ERCC6: variants seen among roughly 807,000 people sequenced by gnomAD.
ERCC6 encodes DNA excision repair protein ERCC-6.
In ERCC6, 116 loss-of-function variants were observed where a neutral mutation model predicts 158.7. The ratio of observed to expected loss-of-function variants is 0.73; its 90% CI spans 0.63 to 0.85. ERCC6 has a LOEUF of 0.85. ERCC6 is among the 40% of genes least tolerant of loss of function. The probability of loss-of-function intolerance (pLI) is 0.00; values close to 1 mark genes in which losing one functional copy is unlikely to be tolerated. For synonymous variants in ERCC6, 678 were observed against 659.3 expected, an observed-to-expected ratio of 1.03 and a Z score of -0.43; for missense variants, 1,698 against 1,799.4, an observed-to-expected ratio of 0.94 and a Z score of 1.02.
intron 18 of ERCC6, 89 bp from the exon 19 acceptor site, chr10:49,461,645 G>A: frequency 7.6e-7 from 1 of 1,316,276 alleles, no homozygotes; most frequent in South Asian, 1.3e-5. Context: ...TACTGTAGTA[G>A]ACAAAAACAA....
In ERCC6 at chr10:49,479,188, C is replaced by T. The variant is rs115249401; in HGVS notation, c.2170-718G>A. Among the ~76,000 whole-genome samples, 974 of 151,236 alleles carry T rather than the reference C, an allele frequency of 6.4e-3. 13 individuals are homozygous for T. The highest frequency in any genetic ancestry group is 0.021 in the African/African-American group (882 of 41,264). Reference sequence around the variant, plus strand: ...AGGCAAAGTAGTCAATAAATTATTGCTACTTCAAAAAAAATCTAAATAGGC... The same window carrying T: ...AGGCAAAGTAGTCAATAAATTATTGTTACTTCAAAAAAAATCTAAATAGGC... On this transcript the variant is annotated intron_variant, in intron 10 of 20. Coordinates refer to ENST00000355832, the MANE Select transcript of ERCC6 (RefSeq NM_000124.4).
chr10:49,515,930 TTC>T, intron 5 of ERCC6: 1 of 1,614,104 alleles, frequency 6.2e-7, no homozygotes, highest in Non-Finnish European at 8.5e-7. Context: ...ATGTGCCTCT[TTC>T]TTTTTTCTTT....
rs767709344 is a variant in ERCC6, at chr10:49,493,178, G to A, written c.1760C>T (p.Thr587Met). The change falls in exon 8 of 21, where the codon ACG becomes ATG. Residue 587 changes from threonine to methionine, a missense_variant. Coordinates refer to ENST00000355832, the MANE Select transcript of ERCC6 (RefSeq NM_000124.4). ...TGCCACTCTGAACGGAGGCCACCAC[G>A]TGTGAAATTCCTTCACCCACTGATG... is the stretch of plus-strand genomic sequence containing the variant. ...VMHQWVKEFH[T>M]WWPPFRVAIL... is the part of the protein sequence containing the mutation. 286 of 1,614,034 alleles carry A rather than the reference G, an allele frequency of 1.8e-4. 3 individuals carry two copies. In the South Asian group the frequency reaches 3.0e-3, roughly 17 times the overall value.
chr10:49,531,791 G>A (rs1186635218), intron 2 of ERCC6, among the ~76,000 whole-genome samples: 2 of 152,134 alleles, frequency 1.3e-5, no homozygotes, highest in Non-Finnish European at 2.9e-5. Flanking sequence ...TATCCTCTGT[G>A]ACACTGCTCC....
chr10:49,482,035 T>C (rs1850989425), intron 10 of ERCC6, among the ~76,000 whole-genome samples: 1 of 152,160 alleles, frequency 6.6e-6, no homozygotes, highest in Non-Finnish European at 1.5e-5. Context: ...CTGCTTCCCT[T>C]TCAAGGCCCC....
chr10:49,476,541 C>G (rs1314757154), intron 11 of ERCC6, among the ~76,000 whole-genome samples: 1 of 152,100 alleles, frequency 6.6e-6, no homozygotes, highest in Non-Finnish European at 1.5e-5. Flanking sequence ...CCACAGTCCC[C>G]AAAGACTGGC....
At chr10:49,476,855 C>T (rs911115535) in intron 11 of ERCC6, among the ~76,000 whole-genome samples, 4 of 152,176 alleles carry the variant, frequency 2.6e-5, no homozygotes, top group African/African-American at 7.2e-5. Flanking sequence ...AGTCCACCAC[C>T]GCCAGTTACA....
intron 5 of ERCC6, chr10:49,515,298 A>G: frequency 6.4e-7 from 1 of 1,572,686 alleles, no homozygotes; most frequent in Non-Finnish European, 8.6e-7. Flanking sequence ...AATGTATAAA[A>G]CTATGTTTCT....
At chr10:49,505,755 T>C (rs1013433987) in intron 6 of ERCC6, 129 bp downstream of exon 6, 2 of 1,020,848 alleles carry the variant, frequency 2.0e-6, no homozygotes, top group African/African-American at 1.6e-5. Flanking sequence ...TTTGACAGTA[T>C]CTGTTTTTGC....
rs1850836442 is a variant in ERCC6, at chr10:49,474,309, A to G, written c.2383-67T>C. On this transcript the variant is annotated intron_variant, in intron 12 of 20. Coordinates refer to ENST00000355832, the MANE Select transcript of ERCC6 (RefSeq NM_000124.4). ...GTAAAGTAAGATTCCCTAGGCAAGG[A>G]GGCTGTTTAACCTATAACACAGACT... 2.3e-6 allele frequency: 3 copies of G among 1,298,016 alleles called. No homozygotes were observed. In the Admixed American group the frequency reaches 5.1e-5, roughly 22 times the overall value. The allele number at this position is 1,298,016 out of a possible 1,614,324, so 80.4% of individuals were successfully genotyped here. A position where few individuals can be genotyped will look rare whatever the true frequency, so the allele number is the denominator to read the frequency against.
At chr10:49,474,388 A>G in intron 12 of ERCC6, 146 bp from the exon 13 acceptor site, 1 of 680,538 alleles carries the variant, frequency 1.5e-6, no homozygotes, top group South Asian at 1.7e-5. Flanking sequence ...CAGCATTATC[A>G]TGAGCTGGGA....
At chr10:49,527,863 TAC>T (rs1290304432) in intron 4 of ERCC6, among the ~76,000 whole-genome samples, 3 of 151,862 alleles carry the variant, frequency 2.0e-5, no homozygotes, top group Non-Finnish European at 4.4e-5. Flanking sequence ...CACACACACA[TAC>T]ACACACACAA....
intron 5 of ERCC6, among the ~76,000 whole-genome samples, chr10:49,513,142 TC>T (rs1564434733): frequency 2.0e-5 from 3 of 152,158 alleles, no homozygotes; most frequent in African/African-American, 7.2e-5. Flanking sequence ...ATACATATCA[TC>T]ACCCATGAAG....
At chr10:49,473,898 G>A in intron 13 of ERCC6, 129 bp downstream of exon 13, 1 of 897,094 alleles carries the variant, frequency 1.1e-6, no homozygotes, top group Admixed American at 2.0e-5. Context: ...AAAGAAATCG[G>A]TAGACTGCCA....
At position 49,532,774 on chromosome 10, in the gene ERCC6, G is replaced by A; in HGVS notation, c.191C>T (p.Ala64Val). The A allele has an allele frequency of 6.2e-7, 1 of 1,614,210 alleles. No homozygotes were observed. Among genetic ancestry groups the A allele is most frequent in the African/African-American group, 1.3e-5 (1 of 75,058 alleles). Reference protein sequence around the residue: ...LSTSAVGCASAAPRRGPALLH... With the variant: ...LSTSAVGCASVAPRRGPALLH... ...CAGGGCTGGCCCTCTCCTCGGAGCTGCTGATGCGCACCCCACAGCAGAGGT... is the reference window on the plus strand; with the variant it reads ...CAGGGCTGGCCCTCTCCTCGGAGCTACTGATGCGCACCCCACAGCAGAGGT... Residue 64 changes from alanine to valine, a missense_variant, in exon 2 of 21, where the codon GCA (alanine) becomes GTA (valine). Physicochemically the swap from Ala to Val is moderately conservative, Grantham distance 64. Coordinates refer to ENST00000355832, the MANE Select transcript of ERCC6 (RefSeq NM_000124.4).
chr10:49,528,825 T>G (rs1341587443), intron 3 of ERCC6, among the ~76,000 whole-genome samples: 3 of 152,188 alleles, frequency 2.0e-5, no homozygotes, highest in Non-Finnish European at 4.4e-5. Context: ...GGCACTGACC[T>G]GAAAGGTGGA....
intron 14 of ERCC6, among the ~76,000 whole-genome samples, chr10:49,473,260 A>C (rs1850813145): frequency 6.6e-6 from 1 of 152,242 alleles, no homozygotes; most frequent in African/African-American, 2.4e-5. Flanking sequence ...ATGCTGTAGA[A>C]AACGCATTCT....
At chr10:49,523,968 T>G in intron 5 of ERCC6, 65 bp downstream of exon 5, 1 of 1,598,960 alleles carries the variant, frequency 6.3e-7, no homozygotes, top group Non-Finnish European at 8.5e-7. Flanking sequence ...TGCTTACATA[T>G]TAATAAACCT....
At position 49,461,428 on chromosome 10, in the gene ERCC6, G is replaced by C; in HGVS notation, c.3907C>G (p.Arg1303Gly). The C allele has an allele frequency of 6.2e-7, 1 of 1,614,142 alleles. No individual in the cohort carries two copies. Among genetic ancestry groups the C allele is most frequent in the South Asian group, 1.1e-5 (1 of 91,086 alleles). The change falls in exon 19 of 21, where the codon CGG becomes GGG. Residue 1303 changes from arginine to glycine, a missense_variant. Physicochemically the swap from Arg to Gly is moderately radical, Grantham distance 125. Transcript: ENST00000355832. ...ACACCAGACACTGCTCCCAGACACC[G>C]CTGACGAGAGAGCCTCAGTGCTTTC... ...ALKALRLSRQ[R>G]CLGAVSGVPT... is the part of the protein sequence containing the mutation.
Sources: gnomAD v4.1 joint callset for allele counts (sites outside exome capture counted in the v4.1 genomes callset) on GRCh38, gnomAD v4.1.1 for gene constraint, MANE v1.5 for transcripts, NCBI Gene and HGNC (gene_info 2026-07-23, HGNC 2026-07-21) for gene names.